MAGI2: variants seen among roughly 807,000 people sequenced by gnomAD.
MAGI2 encodes the protein membrane-associated guanylate kinase, WW and PDZ domain-containing protein 2.
MAGI2 carries 35 observed loss-of-function variants against 133.3 expected under a neutral mutation model. That is an observed-to-expected ratio of 0.26 (90% CI 0.20 to 0.35). The LOEUF (loss-of-function observed/expected upper bound fraction) is 0.35. Ranked by LOEUF, MAGI2 falls within the 10% of genes least tolerant of loss-of-function variation. The probability of loss-of-function intolerance (pLI) is 1.00; values close to 1 mark genes in which losing one functional copy is unlikely to be tolerated. For synonymous variants in MAGI2, 729 were observed against 710.6 expected (o/e 1.03, Z -0.41); for missense variants, 1,636 against 1,863.4 (o/e 0.88, Z 2.25).
At chr7:78,643,972 A>C (rs1455679102) in intron 2 of MAGI2, among the ~76,000 whole-genome samples, 2 of 152,156 alleles carry the variant, frequency 1.3e-5, no homozygotes, top group South Asian at 2.1e-4. Context: ...TAATGCAAAA[A>C]AAGTTAGAAG....
chr7:78,796,363 G>A (rs1351702685), intron 2 of MAGI2, among the ~76,000 whole-genome samples: 7 of 151,994 alleles, frequency 4.6e-5, no homozygotes, highest in Admixed American at 4.6e-4. Flanking sequence ...CATACAAATG[G>A]CCAACAGGTA....
chr7:79,324,419 C>A (rs1271450568), intron 1 of MAGI2, among the ~76,000 whole-genome samples: 1 of 119,708 alleles, frequency 8.4e-6, no homozygotes, highest in East Asian at 2.3e-4. Context: ...ACGTATCTAT[C>A]TATAACCATA....
chr7:78,267,205 C>T (rs1325931750), intron 9 of MAGI2, among the ~76,000 whole-genome samples: 16 of 152,108 alleles, frequency 1.1e-4, no homozygotes, highest in Admixed American at 9.8e-4. Context: ...ATTACAGGGC[C>T]CCTGCTGCCT....
intron 2 of MAGI2, among the ~76,000 whole-genome samples, chr7:78,819,715 A>C (rs554174485): frequency 6.0e-4 from 92 of 152,158 alleles, no homozygotes; most frequent in African/African-American, 2.2e-3. Flanking sequence ...TCTAGGACAT[A>C]CGTCTCTATC....
In MAGI2 at chr7:78,497,718, A is replaced by ACTGTT. The variant is rs1406444219; in HGVS notation, c.965+3858_965+3859insAACAG. Among the ~76,000 whole-genome samples the ACTGTT allele has an allele frequency of 4.0e-4, 48 of 119,330 alleles. 1 individual carries two copies. The East Asian group carries it at 0.012, about 29-fold the overall frequency. The allele number at this position is 119,330 out of a possible 152,430, so 78.3% of individuals were successfully genotyped here. A position where few individuals can be genotyped will look rare whatever the true frequency, so the allele number is the denominator to read the frequency against. On this transcript the variant is annotated intron_variant, in intron 5 of 21. Transcript: ENST00000354212. The stretch of plus-strand genomic sequence containing the variant: ...AGTTCCTTTATGCTATTCAGAAATA[A>ACTGTT]CTATTCTATCTATCTATCTATCTAT...
intron 6 of MAGI2, among the ~76,000 whole-genome samples, chr7:78,428,589 G>A (rs1450729821): frequency 6.6e-6 from 1 of 152,062 alleles, no homozygotes; most frequent in East Asian, 1.9e-4. Flanking sequence ...CCACATCCAG[G>A]TCCTCATCCC....
intron 2 of MAGI2, among the ~76,000 whole-genome samples, chr7:78,965,013 G>A (rs1416181108): frequency 6.6e-6 from 1 of 151,642 alleles, no homozygotes; most frequent in Non-Finnish European, 1.5e-5. Flanking sequence ...CAGATTAGTG[G>A]ATAAAAAAGA....
At chr7:78,040,472 G>GCTGA (rs1212549048) in intron 21 of MAGI2, among the ~76,000 whole-genome samples, 7 of 152,320 alleles carry the variant, frequency 4.6e-5, no homozygotes, top group African/African-American at 1.7e-4. Context: ...GTCAGGAAGG[G>GCTGA]GGCGCCCGAT....
At chr7:79,184,208 T>C (rs1826866649) in intron 1 of MAGI2, among the ~76,000 whole-genome samples, 1 of 151,728 alleles carries the variant, frequency 6.6e-6, no homozygotes, top group Admixed American at 6.6e-5. Flanking sequence ...GATATAATTA[T>C]TCTATAATGT....
At chr7:78,157,646 T>A (rs1328506828) in intron 16 of MAGI2, among the ~76,000 whole-genome samples, 4 of 152,332 alleles carry the variant, frequency 2.6e-5, no homozygotes, top group East Asian at 1.9e-4. Context: ...TTATTTTTAT[T>A]CTAGTCCTTT....
intron 9 of MAGI2, among the ~76,000 whole-genome samples, chr7:78,317,401 C>T (rs1787530864): frequency 6.6e-6 from 1 of 152,202 alleles, no homozygotes; most frequent in African/African-American, 2.4e-5. Context: ...TGGCCTCCAC[C>T]TAATGAATCT....
At chr7:79,126,225 CTT>C (rs1820395650) in intron 1 of MAGI2, among the ~76,000 whole-genome samples, 1 of 152,194 alleles carries the variant, frequency 6.6e-6, no homozygotes, top group South Asian at 2.1e-4. Flanking sequence ...GCTCTCCACA[CTT>C]GTAGTAGGCA....
chr7:78,087,426 A>C (rs557653997), intron 20 of MAGI2, among the ~76,000 whole-genome samples: 119 of 152,328 alleles, frequency 7.8e-4, no homozygotes, highest in African/African-American at 2.7e-3. Context: ...TAAATATACA[A>C]ATGTAATCTA....
chr7:79,016,631 C>A (rs1808762406), intron 1 of MAGI2, among the ~76,000 whole-genome samples: 1 of 152,116 alleles, frequency 6.6e-6, no homozygotes, highest in African/African-American at 2.4e-5. Context: ...ACCTTGCCTT[C>A]CCTTCCCTGC....
chr7:78,939,682 C>A (rs1270419833), intron 2 of MAGI2, among the ~76,000 whole-genome samples: 1 of 152,134 alleles, frequency 6.6e-6, no homozygotes, highest in South Asian at 2.1e-4. Context: ...ACCTCTGAAA[C>A]TTTGTGGGAT....
chr7:78,179,970 C>T (rs1422505052), intron 13 of MAGI2, among the ~76,000 whole-genome samples: 1 of 152,154 alleles, frequency 6.6e-6, no homozygotes, highest in Non-Finnish European at 1.5e-5. Context: ...TAGCAGGTAT[C>T]TGTACTCCTC....
intron 1 of MAGI2, among the ~76,000 whole-genome samples, chr7:79,176,227 G>C (rs888017624): frequency 6.6e-6 from 1 of 151,892 alleles, no homozygotes; most frequent in African/African-American, 2.4e-5. Flanking sequence ...TGCCTCGTCA[G>C]GATTGCCCCA....
chr7:78,497,773 T>TGTCTG (rs1794259068), intron 5 of MAGI2, among the ~76,000 whole-genome samples: 1 of 151,560 alleles, frequency 6.6e-6, no homozygotes, highest in Non-Finnish European at 1.5e-5. Context: ...TCTTTCTATC[T>TGTCTG]TATACACAGA....
At chr7:79,232,173 T>C (rs1365464219) in intron 1 of MAGI2, among the ~76,000 whole-genome samples, 2 of 152,206 alleles carry the variant, frequency 1.3e-5, no homozygotes, top group African/African-American at 4.8e-5. Flanking sequence ...AGCTTTTTGA[T>C]GTGCTGCTGG....
Sources: gnomAD v4.1 joint callset for allele counts (sites outside exome capture counted in the v4.1 genomes callset) on GRCh38, gnomAD v4.1.1 for gene constraint, MANE v1.5 for transcripts, NCBI Gene and HGNC (gene_info 2026-07-23, HGNC 2026-07-21) for gene names.